Variants in CHD5 observed in about 807,000 individuals in gnomAD.
CHD5 encodes chromodomain helicase DNA binding protein 5.
CHD5 carries 69 observed loss-of-function variants against 230.3 expected under a neutral mutation model. The observed-to-expected ratio is 0.30, with a 90% CI of 0.25 to 0.37. CHD5 has a LOEUF of 0.37. CHD5 is among the 10% of genes least tolerant of loss of function. The pLI is 1.00. For missense variants in CHD5, 1,827 were observed against 2,622.8 expected (o/e 0.70, Z 6.63); for synonymous variants, 1,064 against 1,065.9 (o/e 1.00, Z 0.03).
In CHD5 at chr1:6,121,627, G is replaced by A. The variant is rs1666473188; in HGVS notation, c.4700-54C>T. The A allele has an allele frequency of 1.4e-6, 2 of 1,380,496 alleles. No individual in the cohort carries two copies. The highest frequency in any genetic ancestry group is 2.8e-5 in the African/African-American group (2 of 70,190). The allele number at this position is 1,380,496 out of a possible 1,614,324, so 85.5% of individuals were successfully genotyped here. A position where few individuals can be genotyped will look rare whatever the true frequency, so the allele number is the denominator to read the frequency against. ...AGGTGGGCTCAGACGGGAAGGAGTA[G>A]GGCAGGGAGTGGGGTGGCAGAGAGG... On this transcript the variant is annotated intron_variant, in intron 31 of 41. Coordinates refer to ENST00000262450, the MANE Select transcript of CHD5 (RefSeq NM_015557.3). This position sits in a 1 kb window ranked among gnomAD's most constrained non-coding sequence, Gnocchi z 4.5.
At position 6,103,276 on chromosome 1, in the gene CHD5, AG is replaced by A. The variant is rs972580056; in HGVS notation, c.*2197del. ...AGTGCAGGGGGCCCAGGCCCAAAGG[AG>A]CCCTGGCCAGGCTTTCCTGGGTGCC... On this transcript the variant is annotated 3_prime_UTR_variant, in exon 42 of 42. Transcript: ENST00000262450. 2 of 152,514 alleles carry A rather than the reference AG, an allele frequency of 1.3e-5. No individual in the cohort carries two copies. The highest frequency in any genetic ancestry group is 2.9e-5 in the Non-Finnish European group (2 of 68,248). The allele number at this position is 152,514 out of a possible 1,614,324, so 9.4% of individuals were successfully genotyped here.
chr1:6,106,649 C>G lies in CHD5; in HGVS notation c.5709G>C (p.Leu1903=). The G allele has an allele frequency of 6.2e-7, 1 of 1,602,750 alleles. No individual in the cohort carries two copies. Among genetic ancestry groups the G allele is most frequent in the African/African-American group, 1.3e-5 (1 of 74,818 alleles). Residue 1903 remains leucine (L), a synonymous_variant, in exon 39 of 42, where the codon CTG becomes CTC. Coordinates refer to ENST00000262450, the MANE Select transcript of CHD5 (RefSeq NM_015557.3). ...QMSERSILSR[L]TNRAGDPTIQ... is the part of the protein sequence containing the mutation. The stretch of plus-strand genomic sequence containing the variant: ...TGGTGGGGTCCCCGGCGCGGTTGGT[C>G]AGGCGGCTCAGGATGCTGCGCTCCG...
chr1:6,151,936 C>G (rs956068102), intron 6 of CHD5, among the ~76,000 whole-genome samples: 1 of 152,146 alleles, frequency 6.6e-6, no homozygotes, highest in Non-Finnish European at 1.5e-5. Context: ...CAGAGCTGGC[C>G]CTGAGGACAG....
chr1:6,136,496 A>G, intron 17 of CHD5, 21 bp downstream of exon 17: 1 of 1,612,542 alleles, frequency 6.2e-7, no homozygotes, highest in Admixed American at 1.7e-5. Context: ...CCACCTCCCT[A>G]GCCAGATCCA....
At chr1:6,163,877 G>A (rs1008468147) in intron 2 of CHD5, among the ~76,000 whole-genome samples, 3 of 152,264 alleles carry the variant, frequency 2.0e-5, no homozygotes, top group Non-Finnish European at 4.4e-5. Context: ...CCTTTCGGCT[G>A]CAGCAGCCTT....
intron 1 of CHD5, among the ~76,000 whole-genome samples, chr1:6,175,908 G>A (rs895606055): frequency 1.1e-4 from 16 of 152,026 alleles, no homozygotes; most frequent in African/African-American, 3.9e-4. Context: ...ACAGATGGAT[G>A]GATGGATATG....
Position 6,136,506 on chromosome 1 carries a change from A to G in CHD5, c.2696+11T>C, listed in dbSNP as rs1666749094. ...CACCACCACCTCCCTAGCCAGATCC[A>G]GGTGACTCACTTGAACCTCTCTGGA... On this transcript the variant is annotated intron_variant, in intron 17 of 41. Coordinates refer to ENST00000262450, the MANE Select transcript of CHD5 (RefSeq NM_015557.3). 3 of 1,613,054 alleles carry G rather than the reference A, an allele frequency of 1.9e-6. No individual in the cohort carries two copies. Among genetic ancestry groups the G allele is most frequent in the African/African-American group, 1.3e-5 (1 of 74,910 alleles).
At position 6,128,967 on chromosome 1, in the gene CHD5, G is replaced by A; in HGVS notation, c.3490C>T (p.Arg1164Cys). 1.9e-6 allele frequency: 3 copies of A among 1,612,874 alleles called. No individual in the cohort carries two copies. Among genetic ancestry groups the A allele is most frequent in the Non-Finnish European group, 1.7e-6 (2 of 1,179,974 alleles). Residue 1164 changes from arginine to cysteine, a missense_variant, in exon 23 of 42, where the codon CGC (arginine) becomes TGC (cysteine). Physicochemically the swap from Arg to Cys is radical, Grantham distance 180. Coordinates refer to ENST00000262450, the MANE Select transcript of CHD5 (RefSeq NM_015557.3). This position sits in a 1 kb window ranked among gnomAD's most constrained non-coding sequence, Gnocchi z 7.8. Reference protein sequence around the residue: ...VEERITQVAKRKMMLTHLVVR... With the variant: ...VEERITQVAKCKMMLTHLVVR... Reference sequence around the variant, plus strand: ...ACCAGGTGGGTGAGCATCATCTTGCGCTTGGCCACCTGCGTGATGCGCTCC... The same window carrying A: ...ACCAGGTGGGTGAGCATCATCTTGCACTTGGCCACCTGCGTGATGCGCTCC...
rs891293665 is a variant in CHD5, at chr1:6,129,213, C to T, written c.3388-144G>A. The T allele has an allele frequency of 4.8e-6, 3 of 622,156 alleles. No homozygotes were observed. Among genetic ancestry groups the T allele is most frequent in the Non-Finnish European group, 5.6e-6 (2 of 354,460 alleles). The allele number at this position is 622,156 out of a possible 1,614,324, so 38.5% of individuals were successfully genotyped here. On this transcript the variant is annotated intron_variant, in intron 22 of 41. Coordinates refer to ENST00000262450, the MANE Select transcript of CHD5 (RefSeq NM_015557.3). The surrounding 1 kb of genome is among the most constrained non-coding windows in gnomAD (Gnocchi z 6.8). ...GTGGTGCGTCCAGGTGTGTGGAGCC[C>T]ACCACTGCAGCTGGGCTCCCTCCCT...
At position 6,104,638 on chromosome 1, in the gene CHD5, T is replaced by G. The variant is rs1161607663; in HGVS notation, c.*836A>C. On this transcript the variant is annotated 3_prime_UTR_variant, in exon 42 of 42. Transcript: ENST00000262450. ...GTGCTGCCCCCCCCCCAGCCCACCC[T>G]CCCTGGGATCATACGCTTCTGCCTG... 1 of 38,728 alleles carries G rather than the reference T, an allele frequency of 2.6e-5. No individual in the cohort carries two copies. Among genetic ancestry groups the G allele is most frequent in the African/African-American group, 1.0e-4 (1 of 9,732 alleles). The allele number at this position is 38,728 out of a possible 1,614,324, so 2.4% of individuals were successfully genotyped here. A position where few individuals can be genotyped will look rare whatever the true frequency, so the allele number is the denominator to read the frequency against.
At chr1:6,137,641 C>T (rs376937721) in intron 15 of CHD5, among the ~76,000 whole-genome samples, 6 of 152,322 alleles carry the variant, frequency 3.9e-5, no homozygotes, top group African/African-American at 1.4e-4. Context: ...CCTTTTATCC[C>T]CATTTAAAGC....
intron 30 of CHD5, 22 bp downstream of exon 30, chr1:6,124,495 C>T (rs201353608): frequency 1.2e-6 from 2 of 1,613,872 alleles, no homozygotes; most frequent in African/African-American, 1.3e-5. Flanking sequence ...AGGAAGGGCC[C>T]TACAGAGAGT....
At chr1:6,157,735 C>T (rs1399169538) in intron 3 of CHD5, among the ~76,000 whole-genome samples, 2 of 152,346 alleles carry the variant, frequency 1.3e-5, no homozygotes, top group Non-Finnish European at 2.9e-5. Context: ...TGATGGCACA[C>T]GGACCCCTTG....
chr1:6,133,024 C>T (rs9435067), intron 20 of CHD5, among the ~76,000 whole-genome samples: 10,481 of 152,066 alleles, frequency 0.069, 645 homozygotes, highest in East Asian at 0.31. Context: ...CCTCCCAAGT[C>T]GCTGAGATTA....
chr1:6,143,035 G>T (rs1282018333), intron 13 of CHD5, among the ~76,000 whole-genome samples: 1 of 151,116 alleles, frequency 6.6e-6, no homozygotes, highest in Non-Finnish European at 1.5e-5. Context: ...CCAGTAACAG[G>T]CTCCTCCACT....
rs536324039 is a variant in CHD5 at position 6,131,970 on chromosome 1, C to T, written c.3145-222G>A. On this transcript the variant is annotated intron_variant, in intron 20 of 41. Transcript: ENST00000262450. The surrounding 1 kb of genome is among the most constrained non-coding windows in gnomAD (Gnocchi z 5.0). ...TCCTGCCTAGCCCCACAGCCACTTA[C>T]CTAAATCAGGGCTCTGACATGAGCC... is the stretch of plus-strand genomic sequence containing the variant. Among the ~76,000 whole-genome samples, 145 of 152,314 alleles carry T rather than the reference C, an allele frequency of 9.5e-4. 1 individual carries two copies. Among genetic ancestry groups the T allele is most frequent in the African/African-American group, 3.3e-3 (136 of 41,572 alleles).
intron 6 of CHD5, among the ~76,000 whole-genome samples, 200 bp from the exon 7 acceptor site, chr1:6,151,355 A>T (rs1160613079): frequency 6.6e-6 from 1 of 152,174 alleles, no homozygotes; most frequent in Non-Finnish European, 1.5e-5. Context: ...GCCTACCCAG[A>T]GCCCTGCTCT....
chr1:6,132,378 TG>T (rs1247979776), intron 20 of CHD5, among the ~76,000 whole-genome samples: 1 of 152,218 alleles, frequency 6.6e-6, no homozygotes, highest in Admixed American at 6.5e-5. Context: ...GCCCTTATTT[TG>T]TAGGTACTAG....
rs1271821045 is a variant in CHD5 at position 6,126,556 on chromosome 1, C to T, written c.4078+16G>A. Reference sequence around the variant, plus strand: ...CTCTGGGTGAGGGGCACCAGTCCCTCCCTCCCGGCACGCACCCTGGTCCTC... The same window carrying T: ...CTCTGGGTGAGGGGCACCAGTCCCTTCCTCCCGGCACGCACCCTGGTCCTC... On this transcript the variant is annotated intron_variant, in intron 26 of 41. Transcript: ENST00000262450. This position sits in a 1 kb window ranked among gnomAD's most constrained non-coding sequence, Gnocchi z 5.7. 1 of 1,611,878 alleles carries T rather than the reference C, an allele frequency of 6.2e-7. No individual in the cohort carries two copies. Among genetic ancestry groups the T allele is most frequent in the Non-Finnish European group, 8.5e-7 (1 of 1,179,884 alleles).
Sources: allele counts gnomAD v4.1 joint callset (sites outside exome capture counted in the v4.1 genomes callset), GRCh38; gene constraint gnomAD v4.1.1; non-coding constraint Gnocchi (gnomAD v3.1); transcripts MANE v1.5; gene names NCBI Gene and HGNC (gene_info 2026-07-23, HGNC 2026-07-21).